DMKN: variants seen among roughly 807,000 people sequenced by gnomAD.
DMKN encodes dermokine.
In DMKN, 58 loss-of-function variants were observed where a neutral mutation model predicts 67.6. The ratio of observed to expected loss-of-function variants is 0.86; its 90% confidence interval spans 0.69 to 1.07. The LOEUF is 1.07. DMKN is among the 50% of genes least tolerant of loss of function. The pLI is 0.00. For missense variants in DMKN, 596 were observed against 601.5 expected, an observed-to-expected ratio of 0.99 and a Z score of 0.10; for synonymous variants, 240 against 232.3, an observed-to-expected ratio of 1.03 and a Z score of -0.30.
At chr19:35,511,119 C>A (rs2070679028) in intron 5 of DMKN, among the ~76,000 whole-genome samples, 1 of 152,236 alleles carries the variant, frequency 6.6e-6, no homozygotes, top group Non-Finnish European at 1.5e-5. Context: ...GCCAAGTGGA[C>A]TTGACTGCAA....
intron 13 of DMKN, chr19:35,499,264 T>C (rs12975867): frequency 0.088 from 27,816 of 317,354 alleles, 1,513 homozygotes; most frequent in Middle Eastern, 0.13. Context: ...AGAAGCTGCA[T>C]GTCCCTCCTC....
At chr19:35,499,746 G>GGTGT (rs1224398567) in intron 13 of DMKN, among the ~76,000 whole-genome samples, 2 of 152,094 alleles carry the variant, frequency 1.3e-5, no homozygotes, top group African/African-American at 4.8e-5. Context: ...TGACTGGGTG[G>GGTGT]GTGTGAGGCG....
chr19:35,511,486 G>C lies in DMKN; in HGVS notation c.843C>G (p.Ser281Arg). Residue 281 changes from serine (S) to arginine (R), a missense_variant, in exon 5 of 16, where the codon AGC (serine) becomes AGG (arginine). Physicochemically the swap from Ser to Arg is moderately radical, Grantham distance 110. Coordinates refer to ENST00000339686, the MANE Select transcript of DMKN (RefSeq NM_033317.5). ...TGCTGCCACCACTGCTGCCGCCACT[G>C]CTGCCGCCACTGCTGCTGCCACTGC... is the stretch of plus-strand genomic sequence containing the variant. ...GSSSGSSSGG[S>R]SGGSSGGSSG... 2 of 1,090,040 alleles carry C rather than the reference G, an allele frequency of 1.8e-6. No individual in the cohort carries two copies. Among genetic ancestry groups the C allele is most frequent in the Non-Finnish European group, 2.4e-6 (2 of 846,874 alleles). The allele number at this position is 1,090,040 out of a possible 1,614,324, so 67.5% of individuals were successfully genotyped here. A position where few individuals can be genotyped will look rare whatever the true frequency, so the allele number is the denominator to read the frequency against.
intron 5 of DMKN, among the ~76,000 whole-genome samples, 163 bp downstream of exon 5, chr19:35,511,248 T>C (rs1041031185): frequency 1.2e-4 from 19 of 152,054 alleles, no homozygotes; most frequent in African/African-American, 4.6e-4. Flanking sequence ...GGGCACAGCA[T>C]GGGTGGGGAA....
At position 35,503,195 on chromosome 19, in the gene DMKN, C is replaced by G. The variant is rs1012788556; in HGVS notation, c.1135-309G>C. 2.8e-5 allele frequency: 39 copies of G among 1,409,566 alleles called. No homozygotes were observed. In the African/African-American group the frequency reaches 5.5e-4, roughly 20 times the overall value. The allele number at this position is 1,409,566 out of a possible 1,614,324, so 87.3% of individuals were successfully genotyped here. A position where few individuals can be genotyped will look rare whatever the true frequency, so the allele number is the denominator to read the frequency against. On this transcript the variant is annotated intron_variant, in intron 9 of 15. Coordinates refer to ENST00000339686, the MANE Select transcript of DMKN (RefSeq NM_033317.5). ...CCTGCCTCAGAGTGTCCCCTTTCCACCTGCCGGGCCTCCTCCAGCCCGTTT... is the reference window on the plus strand; with the variant it reads ...CCTGCCTCAGAGTGTCCCCTTTCCAGCTGCCGGGCCTCCTCCAGCCCGTTT...
At chr19:35,508,589 A>C (rs7245699) in intron 7 of DMKN, 62,696 of 183,658 alleles carry the variant, frequency 0.34, 11,206 homozygotes, top group East Asian at 0.44. Context: ...ATACATGGGA[A>C]TGGGAATATC....
intron 1 of DMKN, 47 bp from the exon 2 acceptor site, chr19:35,512,837 G>A (rs1470835768): frequency 6.3e-7 from 1 of 1,587,418 alleles, no homozygotes; most frequent in Non-Finnish European, 8.6e-7. Flanking sequence ...CTCTGACCCT[G>A]GTAGAGAAGA....
chr19:35,500,022 T>C lies in DMKN; in HGVS notation c.1295A>G (p.Asn432Ser). Residue 432 changes from asparagine (N) to serine (S), a missense_variant, in exon 13 of 16, where the codon AAT (asparagine) becomes AGT (serine). Transcript: ENST00000339686. Reference protein sequence around the residue: ...KRAGRDDQNYNYNQHAYPTAY... With the variant: ...KRAGRDDQNYSYNQHAYPTAY... ...AGTGGGATACGCATGCTGGTTGTAATTGTAGTTCTGTGGAAGAAGTGGGCA... is the reference window on the plus strand; with the variant it reads ...AGTGGGATACGCATGCTGGTTGTAACTGTAGTTCTGTGGAAGAAGTGGGCA... The C allele has an allele frequency of 6.2e-7, 1 of 1,614,162 alleles. No individual in the cohort carries two copies. The highest frequency in any genetic ancestry group is 8.5e-7 in the Non-Finnish European group (1 of 1,180,030).
At position 35,512,079 on chromosome 19, in the gene DMKN, C is replaced by CCTCCAT. The variant is rs1452037135; in HGVS notation, c.685-272_685-267dup. ...GTGATGCGATCTCGGCTCACTGCAA[C>CCTCCAT]CTCCATCTCCCAGGTTCAAGTGATT... is the stretch of plus-strand genomic sequence containing the variant. On this transcript the variant is annotated intron_variant, in intron 3 of 15. Coordinates refer to ENST00000339686, the MANE Select transcript of DMKN (RefSeq NM_033317.5). Among the ~76,000 whole-genome samples, 4 of 149,612 alleles carry CCTCCAT rather than the reference C, an allele frequency of 2.7e-5. No homozygotes were observed. In the East Asian group the frequency reaches 7.9e-4, roughly 30 times the overall value.
intron 8 of DMKN, 60 bp downstream of exon 8, chr19:35,505,879 G>C: frequency 1.2e-6 from 2 of 1,613,652 alleles, no homozygotes; most frequent in African/African-American, 2.7e-5. Flanking sequence ...AGACTGTGGG[G>C]CCAAGGGCAG....
chr19:35,510,082 GC>G, intron 6 of DMKN, 101 bp downstream of exon 6: 1 of 1,570,350 alleles, frequency 6.4e-7, no homozygotes, highest in East Asian at 2.3e-5. Context: ...CGGCCATCCA[GC>G]CCCATCTCCG....
chr19:35,509,206 G>A (rs2070218662), intron 7 of DMKN, among the ~76,000 whole-genome samples: 2 of 152,130 alleles, frequency 1.3e-5, no homozygotes, highest in African/African-American at 2.4e-5. Flanking sequence ...GGGTAACAGA[G>A]CGGGACTCCA....
chr19:35,510,022 A>C, intron 6 of DMKN, 61 bp from the exon 7 acceptor site: 1 of 1,607,326 alleles, frequency 6.2e-7, no homozygotes, highest in Non-Finnish European at 8.5e-7. Context: ...TCCCAGCCCC[A>C]AAATGGCAGC....
rs2146041301 is a variant in DMKN at position 35,505,950 on chromosome 19, T to C, written c.1075A>G (p.Thr359Ala). ...ETSPGMFNFD[T>A]FWKNFKSKLG... ...CTCGCAGAACTCACCTTCCAGAAAG[T>C]GTCAAAGTTAAACATCCCAGGAGAC... The change falls in exon 8 of 16, where the codon ACT becomes GCT. Residue 359 changes from threonine to alanine, a missense_variant. Transcript: ENST00000339686. 6.2e-7 allele frequency: 1 copy of C among 1,614,060 alleles called. No individual in the cohort carries two copies. The highest frequency in any genetic ancestry group is 8.5e-7 in the Non-Finnish European group (1 of 1,180,022).
chr19:35,499,158 C>T, intron 13 of DMKN: 1 of 541,228 alleles, frequency 1.8e-6, no homozygotes, highest in Non-Finnish European at 3.3e-6. Flanking sequence ...GAGCATAGGC[C>T]TCGCTTTGGC....
chr19:35,512,128 G>T (rs2070948435), intron 3 of DMKN, among the ~76,000 whole-genome samples: 1 of 151,806 alleles, frequency 6.6e-6, no homozygotes, highest in African/African-American at 2.4e-5. Context: ...CTCCCAAGTG[G>T]CTGCAATTAC....
chr19:35,499,767 T>C (rs935262330), intron 13 of DMKN, 191 bp downstream of exon 13: 2 of 605,376 alleles, frequency 3.3e-6, no homozygotes, highest in African/African-American at 3.7e-5. Context: ...CATTGAACCC[T>C]CCTGCCCTCC....
chr19:35,501,185 G>T (rs150872140), intron 11 of DMKN, among the ~76,000 whole-genome samples: 10 of 152,238 alleles, frequency 6.6e-5, no homozygotes, highest in Non-Finnish European at 8.8e-5. Flanking sequence ...TGCCATCACG[G>T]CTTCTCCACT....
intron 11 of DMKN, among the ~76,000 whole-genome samples, chr19:35,501,495 T>G (rs2068353410): frequency 6.6e-6 from 1 of 152,206 alleles, no homozygotes; most frequent in Non-Finnish European, 1.5e-5. Context: ...ACCTCCCCCT[T>G]TGCAGGGCCC....
Sources: gnomAD v4.1 joint callset for allele counts (sites outside exome capture counted in the v4.1 genomes callset) on GRCh38, gnomAD v4.1.1 for gene constraint, MANE v1.5 for transcripts, NCBI Gene and HGNC (gene_info 2026-07-23, HGNC 2026-07-21) for gene names.